The following DOCK1 variants were observed in gnomAD, a reference collection of about 807,000 sequenced individuals.
The protein encoded by DOCK1 is dedicator of cytokinesis 1.
DOCK1 carries 138 observed loss-of-function variants against 262.7 expected under a neutral mutation model. The ratio of observed to expected loss-of-function variants is 0.53; its 90% CI spans 0.46 to 0.61. The LOEUF is 0.61. Ranked by LOEUF, DOCK1 falls within the 20% of genes least tolerant of loss-of-function variation. The probability of loss-of-function intolerance (pLI) is 0.00; values close to 1 mark genes in which losing one functional copy is unlikely to be tolerated. For missense variants in DOCK1, 1,908 were observed against 2,370.7 expected (o/e 0.80, Z 4.05); for synonymous variants, 866 against 867.4 (o/e 1.00, Z 0.03).
chr10:127,048,880 C>A (rs2135705770), intron 21 of DOCK1, among the ~76,000 whole-genome samples: 1 of 152,288 alleles, frequency 6.6e-6, no homozygotes, highest in South Asian at 2.1e-4. Context: ...TAAAGCTCAT[C>A]TACGAAAAGT....
intron 31 of DOCK1, among the ~76,000 whole-genome samples, chr10:127,347,070 T>G (rs1384651345): frequency 2.6e-5 from 4 of 152,378 alleles, no homozygotes; most frequent in Admixed American, 6.5e-5. Flanking sequence ...TTGATAAGCC[T>G]TCAGCCCTTC....
At chr10:127,097,873 C>T (rs909744208) in intron 23 of DOCK1, among the ~76,000 whole-genome samples, 1 of 152,208 alleles carries the variant, frequency 6.6e-6, no homozygotes, top group African/African-American at 2.4e-5. Context: ...CTGTTCTTGG[C>T]TGGGCCAGGC....
Position 127,446,441 on chromosome 10 carries a change from G to A in DOCK1, c.5414-953G>A, listed in dbSNP as rs1051991676. On this transcript the variant is annotated intron_variant, in intron 50 of 51. Transcript: ENST00000623213. The surrounding 1 kb of genome is among the most constrained non-coding windows in gnomAD (Gnocchi z 4.4). ...AATGCCACCAAATTGTCCCCTAAAG[G>A]ATGGCTAAAATGGCAAATTTTATGT... 6.6e-6 allele frequency among the ~76,000 whole-genome samples: 1 copy of A among 152,084 alleles called. No individual in the cohort carries two copies. Among genetic ancestry groups the A allele is most frequent in the Non-Finnish European group, 1.5e-5 (1 of 68,010 alleles).
intron 1 of DOCK1, among the ~76,000 whole-genome samples, chr10:126,916,153 G>A (rs1234118894): frequency 6.6e-6 from 1 of 152,130 alleles, no homozygotes; most frequent in African/African-American, 2.4e-5. Context: ...TGAGCCCCAG[G>A]CCCCTTACCT....
intron 38 of DOCK1, among the ~76,000 whole-genome samples, chr10:127,388,478 C>T (rs1203365308): frequency 2.0e-5 from 3 of 152,194 alleles, no homozygotes; most frequent in Admixed American, 6.5e-5. Flanking sequence ...GCAAAAAATT[C>T]ATTTTAACAT....
chr10:127,408,923 T>G, intron 40 of DOCK1, 114 bp from the exon 41 acceptor site: 1 of 1,354,748 alleles, frequency 7.4e-7, no homozygotes, highest in Non-Finnish European at 9.8e-7. Context: ...TGTTCTTAAA[T>G]TTAATGACAT....
intron 29 of DOCK1, among the ~76,000 whole-genome samples, chr10:127,302,976 G>A (rs1192224260): frequency 6.6e-6 from 1 of 152,124 alleles, no homozygotes; most frequent in Non-Finnish European, 1.5e-5. Flanking sequence ...TTACTGAAAT[G>A]TGGTATTATT....
At chr10:126,924,818 C>G (rs1018011628) in intron 1 of DOCK1, among the ~76,000 whole-genome samples, 36 of 152,166 alleles carry the variant, frequency 2.4e-4, no homozygotes, top group Admixed American at 2.4e-3. Flanking sequence ...TGTAAAGAGC[C>G]TTCAGAGTGA....
Position 127,175,511 on chromosome 10 carries a change from G to T in DOCK1, c.2847+47747G>T. The T allele has an allele frequency of 6.2e-7, 1 of 1,609,144 alleles. No individual in the cohort carries two copies. The highest frequency in any genetic ancestry group is 8.5e-7 in the Non-Finnish European group (1 of 1,180,006). On this transcript the variant is annotated intron_variant, in intron 27 of 51. Transcript: ENST00000623213. The surrounding 1 kb of genome is among the most constrained non-coding windows in gnomAD (Gnocchi z 6.3). ...CAGTTTCCGAGGGCGCCTGGAGCCCGTTGAGATGTGTGGCTCTCCTCCGCT... is the reference window on the plus strand; with the variant it reads ...CAGTTTCCGAGGGCGCCTGGAGCCCTTTGAGATGTGTGGCTCTCCTCCGCT...
At chr10:127,201,106 A>C (rs2057434917) in intron 27 of DOCK1, among the ~76,000 whole-genome samples, 1 of 152,154 alleles carries the variant, frequency 6.6e-6, no homozygotes, top group Admixed American at 6.5e-5. Context: ...TCCCTTGGGG[A>C]CACTTTAGCC....
chr10:127,180,151 A>G (rs995736288), intron 27 of DOCK1, among the ~76,000 whole-genome samples: 5 of 152,176 alleles, frequency 3.3e-5, no homozygotes, highest in African/African-American at 1.2e-4. Flanking sequence ...AACAACTGAA[A>G]CTCATCTGAG....
chr10:127,090,147 G>A (rs1363201545), intron 23 of DOCK1, among the ~76,000 whole-genome samples: 1 of 152,088 alleles, frequency 6.6e-6, no homozygotes, highest in Non-Finnish European at 1.5e-5. Context: ...TTTTTCCTGG[G>A]CAGGTTCTAT....
At chr10:127,309,467 G>A (rs368662384) in intron 29 of DOCK1, among the ~76,000 whole-genome samples, 40 of 151,810 alleles carry the variant, frequency 2.6e-4, no homozygotes, top group Middle Eastern at 3.4e-3. Context: ...TCAATTTTTT[G>A]CTTTTGTTGC....
chr10:127,298,927 T>A (rs1056449916), intron 29 of DOCK1, among the ~76,000 whole-genome samples: 2 of 152,236 alleles, frequency 1.3e-5, no homozygotes, highest in Middle Eastern at 6.8e-3. Context: ...CTCGAGGTGG[T>A]CCAGGGAGAT....
chr10:127,342,465 G>A (rs941724526), intron 30 of DOCK1, among the ~76,000 whole-genome samples: 1 of 152,132 alleles, frequency 6.6e-6, no homozygotes, highest in Non-Finnish European at 1.5e-5. Context: ...GCTCTGCAAT[G>A]GGGATAACAG....
In DOCK1 at chr10:127,261,447, A is replaced by ATG. The variant is rs1283904656; in HGVS notation, c.3044+4025_3044+4026dup. 4.3e-3 allele frequency among the ~76,000 whole-genome samples: 502 copies of ATG among 117,576 alleles called. 33 individuals carry two copies. Among genetic ancestry groups the ATG allele is most frequent in the African/African-American group, 0.018 (478 of 26,512 alleles). The allele number at this position is 117,576 out of a possible 152,430, so 77.1% of individuals were successfully genotyped here. ...CATGCTCATCTGTGTGTGTACCTGC[A>ATG]TGTGTGTGCGTGTGTGTGTGCCTGC... On this transcript the variant is annotated intron_variant, in intron 29 of 51. Coordinates refer to ENST00000623213, the MANE Select transcript of DOCK1 (RefSeq NM_001290223.2).
At chr10:127,145,157 G>C (rs2051682701) in intron 27 of DOCK1, among the ~76,000 whole-genome samples, 1 of 152,094 alleles carries the variant, frequency 6.6e-6, no homozygotes, top group Non-Finnish European at 1.5e-5. Flanking sequence ...TCTGGGTCCT[G>C]AGCCTCATCT....
rs74533149 is a variant in DOCK1, at chr10:127,186,359, G to A, written c.2847+58595G>A. Among the ~76,000 whole-genome samples the A allele has an allele frequency of 8.4e-3, 1,284 of 152,238 alleles. 51 individuals are homozygous for A. The highest frequency in any genetic ancestry group is 0.061 in the Admixed American group (932 of 15,294). On this transcript the variant is annotated intron_variant, in intron 27 of 51. Coordinates refer to ENST00000623213, the MANE Select transcript of DOCK1 (RefSeq NM_001290223.2). Reference sequence around the variant, plus strand: ...CACAAGGCTGCAGGACTGAATGAGCGCAAGCAGGGGAAATGCCAGACACTA... The same window carrying A: ...CACAAGGCTGCAGGACTGAATGAGCACAAGCAGGGGAAATGCCAGACACTA...
intron 40 of DOCK1, among the ~76,000 whole-genome samples, chr10:127,408,003 C>T (rs746613071): frequency 2.4e-4 from 37 of 151,992 alleles, no homozygotes; most frequent in Non-Finnish European, 4.6e-4. Flanking sequence ...TACTCATTGG[C>T]CCCTTTCTGT....
Sources: gnomAD v4.1 joint callset for allele counts (sites outside exome capture counted in the v4.1 genomes callset) on GRCh38, gnomAD v4.1.1 for gene constraint, Gnocchi (gnomAD v3.1) non-coding constraint, MANE v1.5 for transcripts, NCBI Gene and HGNC (gene_info 2026-07-23, HGNC 2026-07-21) for gene names.